The following NTN4 variants were observed in gnomAD, a reference collection of about 807,000 sequenced individuals.
NTN4 encodes the protein netrin 4, also known as netrin-4.
A neutral mutation model predicts 73.6 loss-of-function variants in NTN4; 32 were observed. That is an observed-to-expected ratio of 0.44 (90% CI 0.33 to 0.58). NTN4 has a LOEUF of 0.58. Among genes scored for constraint, NTN4 ranks in the 20% least tolerant of loss-of-function variants. The pLI is 0.04. For missense variants in NTN4, 654 were observed against 798.3 expected, an observed-to-expected ratio of 0.82 and a Z score of 2.18; for synonymous variants, 258 against 287.5, an observed-to-expected ratio of 0.90 and a Z score of 1.04.
chr12:95,788,427 A>T (rs1479560339), intron 1 of NTN4, among the ~76,000 whole-genome samples: 1 of 152,228 alleles, frequency 6.6e-6, no homozygotes, highest in Admixed American at 6.5e-5. Context: ...ACTTATTAAC[A>T]TTCTGAGTAC....
At chr12:95,693,238 G>C (rs143824328) in intron 5 of NTN4, among the ~76,000 whole-genome samples, 33 of 152,062 alleles carry the variant, frequency 2.2e-4, no homozygotes, top group African/African-American at 7.2e-4. Flanking sequence ...AGGTAGTTCA[G>C]GGTGCATGAG....
Position 95,738,164 on chromosome 12 carries a change from A to G in NTN4, c.586-20T>C, listed in dbSNP as rs1438855903. On this transcript the variant is annotated intron_variant, in intron 2 of 9. Transcript: ENST00000343702. ...AATAACCTGTAAGGAGAAAGAAAAT[A>G]CCATGCGTTTATAGGACTGTGCGCA... is the stretch of plus-strand genomic sequence containing the variant. 3 of 1,599,162 alleles carry G rather than the reference A, an allele frequency of 1.9e-6. No individual in the cohort carries two copies. The highest frequency in any genetic ancestry group is 2.2e-5 in the East Asian group (1 of 44,750).
intron 3 of NTN4, among the ~76,000 whole-genome samples, chr12:95,722,573 C>T (rs367782004): frequency 3.9e-4 from 59 of 152,174 alleles, no homozygotes; most frequent in African/African-American, 1.3e-3. Context: ...TGTAATGAGC[C>T]GAGACTGTGC....
At chr12:95,690,604 GAAAT>G (rs2078394887) in intron 5 of NTN4, among the ~76,000 whole-genome samples, 1 of 151,564 alleles carries the variant, frequency 6.6e-6, no homozygotes, top group African/African-American at 2.4e-5. Flanking sequence ...TTCTAATTAA[GAAAT>G]AATTCATTTG....
chr12:95,672,398 G>A (rs950373914), intron 7 of NTN4: 9 of 999,222 alleles, frequency 9.0e-6, no homozygotes, highest in African/African-American at 1.6e-5. Flanking sequence ...ACCTGAGCCC[G>A]GCAGGCCACC....
chr12:95,668,762 G>A (rs1200384227), intron 8 of NTN4, among the ~76,000 whole-genome samples: 2 of 152,160 alleles, frequency 1.3e-5, no homozygotes, highest in Admixed American at 6.5e-5. Flanking sequence ...GGCCGAGGCA[G>A]GCAGATCATT....
chr12:95,659,066 A>G lies in NTN4; in HGVS notation c.*20T>C. On this transcript the variant is annotated 3_prime_UTR_variant, in exon 10 of 10. Coordinates refer to ENST00000343702, the MANE Select transcript of NTN4 (RefSeq NM_021229.4). ...GTTTTGTACATAGACAAGTGCCATT[A>G]TGTGCTATCCATCTTAATGCTACTT... 1.3e-6 allele frequency: 2 copies of G among 1,599,962 alleles called. No homozygotes were observed. The highest frequency in any genetic ancestry group is 1.7e-6 in the Non-Finnish European group (2 of 1,175,332).
At chr12:95,754,199 A>G (rs2078931229) in intron 2 of NTN4, among the ~76,000 whole-genome samples, 1 of 152,066 alleles carries the variant, frequency 6.6e-6, no homozygotes, top group South Asian at 2.1e-4. Context: ...TTCATACAAA[A>G]CTGTATCCAG....
intron 2 of NTN4, among the ~76,000 whole-genome samples, chr12:95,774,653 T>C (rs1186893526): frequency 6.6e-6 from 1 of 152,248 alleles, no homozygotes; most frequent in Non-Finnish European, 1.5e-5. Flanking sequence ...TTAAGTAATT[T>C]ATCATTTTCT....
At chr12:95,672,979 C>A in intron 7 of NTN4, 1 of 1,159,568 alleles carries the variant, frequency 8.6e-7, no homozygotes, top group Non-Finnish European at 1.3e-6. Flanking sequence ...GAGCTCGAAG[C>A]CCATCAGGTG....
intron 5 of NTN4, among the ~76,000 whole-genome samples, chr12:95,688,122 T>C (rs904988029): frequency 6.6e-6 from 1 of 152,076 alleles, no homozygotes; most frequent in African/African-American, 2.4e-5. Flanking sequence ...ACGGTTACAA[T>C]TGAATTTTGA....
intron 2 of NTN4, among the ~76,000 whole-genome samples, chr12:95,777,405 T>C (rs1237458965): frequency 6.6e-6 from 1 of 152,156 alleles, no homozygotes; most frequent in African/African-American, 2.4e-5. Flanking sequence ...GTGTGCTGTA[T>C]TCAGGAAACC....
intron 2 of NTN4, among the ~76,000 whole-genome samples, chr12:95,740,156 C>T (rs182784139): frequency 5.9e-5 from 9 of 152,204 alleles, no homozygotes; most frequent in African/African-American, 2.2e-4. Context: ...AATCTTTTTT[C>T]CAGAAAGGAG....
chr12:95,662,235 C>CTTTT (rs71087990), intron 9 of NTN4, among the ~76,000 whole-genome samples: 8 of 118,388 alleles, frequency 6.8e-5, no homozygotes, highest in African/African-American at 2.6e-4. Flanking sequence ...CTTTTTCTTT[C>CTTTT]TTTTTTTTTT....
chr12:95,728,133 GA>G (rs1334062250), intron 3 of NTN4, among the ~76,000 whole-genome samples: 5 of 151,938 alleles, frequency 3.3e-5, no homozygotes, highest in Non-Finnish European at 5.9e-5. Flanking sequence ...ATTGATTTTT[GA>G]AATGTTGATC....
chr12:95,695,510 G>T (rs2078434733), intron 5 of NTN4, among the ~76,000 whole-genome samples: 1 of 152,038 alleles, frequency 6.6e-6, no homozygotes, highest in African/African-American at 2.4e-5. Context: ...GGTTACAGGT[G>T]TGTGCCACCA....
intron 2 of NTN4, among the ~76,000 whole-genome samples, chr12:95,749,807 G>A (rs1304154294): frequency 3.3e-5 from 5 of 149,350 alleles, no homozygotes; most frequent in Non-Finnish European, 1.5e-5. Context: ...CTTTTCTGGG[G>A]GAGGGGCAAG....
chr12:95,751,402 G>T (rs866197214), intron 2 of NTN4, among the ~76,000 whole-genome samples: 2 of 151,900 alleles, frequency 1.3e-5, no homozygotes, highest in Non-Finnish European at 2.9e-5. Flanking sequence ...CGCCTGAACC[G>T]CAGCGGCCAG....
At chr12:95,672,386 C>T (rs2367558) in intron 7 of NTN4, 311,210 of 914,860 alleles carry the variant, frequency 0.34, 53,391 homozygotes, top group Admixed American at 0.37. Flanking sequence ...GGTACGACTC[C>T]GACCTGAGCC....
Sources: allele counts gnomAD v4.1 joint callset (sites outside exome capture counted in the v4.1 genomes callset), GRCh38; gene constraint gnomAD v4.1.1; transcripts MANE v1.5; gene names NCBI Gene and HGNC (gene_info 2026-07-23, HGNC 2026-07-21).